Variants in SETBP1 observed in about 807,000 individuals in gnomAD.
SETBP1 encodes the protein SET-binding protein.
A neutral mutation model predicts 101.0 loss-of-function variants in SETBP1; 9 were observed. The observed-to-expected ratio is 0.09, with a 90% CI of 0.05 to 0.16. SETBP1 has a LOEUF of 0.16. Among genes scored for constraint, SETBP1 ranks in the 10% least tolerant of loss-of-function variants. The pLI, the probability that SETBP1 is intolerant of heterozygous loss-of-function variation, is 1.00. For missense variants in SETBP1, 1,858 were observed against 2,033.8 expected (o/e 0.91, Z 1.66); for synonymous variants, 818 against 788.5 (o/e 1.04, Z -0.63).
intron 3 of SETBP1, among the ~76,000 whole-genome samples, chr18:44,909,459 G>A (rs556521286): frequency 6.3e-4 from 96 of 152,262 alleles, no homozygotes; most frequent in African/African-American, 2.2e-3. Flanking sequence ...CTTGGCCAAG[G>A]TCCAAGGCTC....
chr18:44,853,702 A>G (rs1302501751), intron 2 of SETBP1, among the ~76,000 whole-genome samples: 2 of 152,232 alleles, frequency 1.3e-5, no homozygotes, highest in African/African-American at 4.8e-5. Context: ...TAACTGGAAT[A>G]AGGTCACAGT....
At chr18:44,726,761 G>T (rs2144369314) in intron 2 of SETBP1, among the ~76,000 whole-genome samples, 1 of 152,226 alleles carries the variant, frequency 6.6e-6, no homozygotes, top group African/African-American at 2.4e-5. Flanking sequence ...AATGCCTCAA[G>T]CCACACAACT....
At chr18:44,917,605 C>T (rs2070463786) in intron 3 of SETBP1, among the ~76,000 whole-genome samples, 1 of 152,166 alleles carries the variant, frequency 6.6e-6, no homozygotes, top group South Asian at 2.1e-4. Flanking sequence ...GTTCAATGCT[C>T]TGATGCCTCC....
intron 5 of SETBP1, among the ~76,000 whole-genome samples, chr18:45,051,321 A>G (rs1599497018): frequency 6.6e-6 from 1 of 152,190 alleles, no homozygotes; most frequent in Non-Finnish European, 1.5e-5. Flanking sequence ...TTATACTTGA[A>G]AAAAAGAAAA....
intron 2 of SETBP1, among the ~76,000 whole-genome samples, chr18:44,843,849 G>C (rs919753103): frequency 6.6e-6 from 1 of 152,130 alleles, no homozygotes; most frequent in Non-Finnish European, 1.5e-5. Context: ...GTAAACCCAG[G>C]ACCAAACCAC....
At chr18:44,806,727 G>A (rs2071749013) in intron 2 of SETBP1, among the ~76,000 whole-genome samples, 1 of 139,778 alleles carries the variant, frequency 7.2e-6, no homozygotes, top group Admixed American at 7.8e-5. Flanking sequence ...GGAGTGCAGT[G>A]GCTACTCACA....
intron 4 of SETBP1, among the ~76,000 whole-genome samples, chr18:45,014,273 G>A (rs975535090): frequency 2.0e-5 from 3 of 152,158 alleles, no homozygotes; most frequent in Admixed American, 2.0e-4. Flanking sequence ...TTTCAGCCCA[G>A]GCCATCTAGT....
chr18:45,062,878 T>C (rs540703033), intron 5 of SETBP1, among the ~76,000 whole-genome samples: 7 of 152,158 alleles, frequency 4.6e-5, no homozygotes, highest in Non-Finnish European at 1.0e-4. Context: ...GTACTTTGCA[T>C]GCACAGTGAA....
intron 3 of SETBP1, among the ~76,000 whole-genome samples, chr18:44,888,084 A>G (rs947491617): frequency 1.2e-4 from 19 of 152,138 alleles, no homozygotes; most frequent in African/African-American, 4.6e-4. Flanking sequence ...GATGACAGGC[A>G]TTCCAAGTTC....
chr18:44,811,111 A>T (rs2071853207), intron 2 of SETBP1, among the ~76,000 whole-genome samples: 1 of 152,236 alleles, frequency 6.6e-6, no homozygotes, highest in South Asian at 2.1e-4. Context: ...TCTATTGCTT[A>T]TTCTCCTTGA....
intron 4 of SETBP1, among the ~76,000 whole-genome samples, chr18:45,003,490 C>T (rs2072659455): frequency 1.3e-5 from 2 of 152,192 alleles, no homozygotes; most frequent in Admixed American, 1.3e-4. Flanking sequence ...TGCCACCCAA[C>T]ACCATCATGA....
At chr18:44,892,504 T>A (rs2069794809) in intron 3 of SETBP1, among the ~76,000 whole-genome samples, 1 of 152,150 alleles carries the variant, frequency 6.6e-6, no homozygotes, top group African/African-American at 2.4e-5. Context: ...AGCTCTAAAA[T>A]AGGTTGTGAT....
At chr18:45,058,551 A>T (rs1295468911) in intron 5 of SETBP1, among the ~76,000 whole-genome samples, 39 of 152,316 alleles carry the variant, frequency 2.6e-4, no homozygotes, top group African/African-American at 8.4e-4. Flanking sequence ...AGAAACAGAG[A>T]TGGAGGGGTT....
chr18:44,752,109 C>A lies in SETBP1; in HGVS notation c.486+50277C>A, dbSNP rs1192880401. Among the ~76,000 whole-genome samples, 3 of 151,962 alleles carry A rather than the reference C, an allele frequency of 2.0e-5. No homozygotes were observed. The East Asian group carries it at 5.8e-4, about 29-fold the overall frequency. ...CAATGACGTCTATAGAAGCAGGATA[C>A]AACATTTAAATACAGGGAAAAAAAT... On this transcript the variant is annotated intron_variant, in intron 2 of 5. Coordinates refer to ENST00000649279, the MANE Select transcript of SETBP1 (RefSeq NM_015559.3).
chr18:44,974,824 T>G (rs2071950370), intron 4 of SETBP1, among the ~76,000 whole-genome samples: 1 of 152,196 alleles, frequency 6.6e-6, no homozygotes, highest in African/African-American at 2.4e-5. Context: ...CACTTTCCAT[T>G]TATGTATAAA....
chr18:45,030,132 A>T (rs2145457499), intron 4 of SETBP1, among the ~76,000 whole-genome samples: 1 of 149,620 alleles, frequency 6.7e-6, no homozygotes, highest in Non-Finnish European at 1.5e-5. Context: ...ATTCCGTATG[A>T]TATTGGCTGT....
rs2069123003 is a variant in SETBP1 at position 44,701,909 on chromosome 18, A to G, written c.486+77A>G. On this transcript the variant is annotated intron_variant, in intron 2 of 5. Coordinates refer to ENST00000649279, the MANE Select transcript of SETBP1 (RefSeq NM_015559.3). ...TTTTATCCTCAACTTCTTAGGGTCT[A>G]TTTATATATTATATTTGACTCTAGA... 25 of 1,487,938 alleles carry G rather than the reference A, an allele frequency of 1.7e-5. No homozygotes were observed. In the South Asian group the frequency reaches 2.8e-4, roughly 16 times the overall value. 92.2% of individuals were successfully genotyped at this position (1,487,938 alleles called of 1,614,324 possible). A position where few individuals can be genotyped will look rare whatever the true frequency, so the allele number is the denominator to read the frequency against.
chr18:44,725,270 G>A (rs2069682204), intron 2 of SETBP1, among the ~76,000 whole-genome samples: 1 of 152,112 alleles, frequency 6.6e-6, no homozygotes, highest in Non-Finnish European at 1.5e-5. Flanking sequence ...ACAGTTTGGG[G>A]AATAATTTCA....
chr18:44,791,338 TAGAG>T (rs1484144997), intron 2 of SETBP1, among the ~76,000 whole-genome samples: 2 of 152,178 alleles, frequency 1.3e-5, no homozygotes, highest in African/African-American at 4.8e-5. Context: ...GTCCTAGTGG[TAGAG>T]AAAGAAGATG....
Sources: gnomAD v4.1 joint callset for allele counts (sites outside exome capture counted in the v4.1 genomes callset) on GRCh38, gnomAD v4.1.1 for gene constraint, MANE v1.5 for transcripts, NCBI Gene and HGNC (gene_info 2026-07-23, HGNC 2026-07-21) for gene names.